The following CPEB3 variants were observed in gnomAD, a reference collection of about 807,000 sequenced individuals.
The protein encoded by CPEB3 is cytoplasmic polyadenylation element-binding protein 3.
In CPEB3, 20 loss-of-function variants were observed where a neutral mutation model predicts 67.2. That is an observed-to-expected ratio of 0.30 (90% CI 0.21 to 0.43). The LOEUF is 0.43. Among genes scored for constraint, CPEB3 ranks in the 20% least tolerant of loss-of-function variants. The pLI is 1.00. For missense variants in CPEB3, 746 were observed against 968.6 expected, an observed-to-expected ratio of 0.77 and a Z score of 3.05; for synonymous variants, 376 against 393.1, an observed-to-expected ratio of 0.96 and a Z score of 0.51.
intron 7 of CPEB3, among the ~76,000 whole-genome samples, chr10:92,107,690 C>G (rs1420154993): frequency 6.6e-6 from 1 of 151,518 alleles, no homozygotes; most frequent in South Asian, 2.1e-4. Context: ...GATACCTGAG[C>G]TATGAAACTC....
At chr10:92,118,618 G>C in intron 6 of CPEB3, 1 of 488,988 alleles carries the variant, frequency 2.0e-6, no homozygotes, top group South Asian at 2.1e-5. Flanking sequence ...AATTAAAGGA[G>C]ATTAAAGAGA....
intron 4 of CPEB3, among the ~76,000 whole-genome samples, chr10:92,174,961 G>A (rs1012444926): frequency 4.6e-5 from 7 of 151,788 alleles, no homozygotes; most frequent in Admixed American, 2.0e-4. Flanking sequence ...CTATTTGTAC[G>A]TGTGCCTTAC....
At position 92,048,541 on chromosome 10, in the gene CPEB3, T is replaced by C. The variant is rs893109082; in HGVS notation, c.*3671A>G. The C allele has an allele frequency of 2.0e-5, 3 of 152,566 alleles. No individual in the cohort carries two copies. Among genetic ancestry groups the C allele is most frequent in the Non-Finnish European group, 2.9e-5 (2 of 68,054 alleles). 9.5% of individuals were successfully genotyped at this position (152,566 alleles called of 1,614,324 possible). The stretch of plus-strand genomic sequence containing the variant: ...AGGTTTGGCTGCACCTGGTGTTGTA[T>C]AAATCCACCGTGACATCCCTAGAGA... On this transcript the variant is annotated 3_prime_UTR_variant, in exon 10 of 10. Transcript: ENST00000265997. This position sits in a 1 kb window ranked among gnomAD's most constrained non-coding sequence, Gnocchi z 4.1.
At chr10:92,241,360 GAC>G (rs1006050935) in intron 1 of CPEB3, among the ~76,000 whole-genome samples, 3 of 152,268 alleles carry the variant, frequency 2.0e-5, no homozygotes, top group East Asian at 1.9e-4. Flanking sequence ...GATTTAAGTA[GAC>G]AGTCAAGATA....
intron 2 of CPEB3, among the ~76,000 whole-genome samples, chr10:92,221,687 A>G (rs1341595230): frequency 5.3e-5 from 8 of 152,166 alleles, no homozygotes; most frequent in Non-Finnish European, 1.0e-4. Context: ...CTCTGCCCTC[A>G]TTAATGGGGT....
chr10:92,064,536 T>C (rs1842476397), intron 9 of CPEB3, among the ~76,000 whole-genome samples: 1 of 152,160 alleles, frequency 6.6e-6, no homozygotes, highest in African/African-American at 2.4e-5. Context: ...GGCCATTGCA[T>C]TGTCAGGCTT....
At chr10:92,242,278 A>G (rs1009968701) in intron 1 of CPEB3, among the ~76,000 whole-genome samples, 7 of 152,122 alleles carry the variant, frequency 4.6e-5, no homozygotes, top group African/African-American at 1.7e-4. Context: ...ACCCAACTCA[A>G]TATAATATAC....
At chr10:92,266,987 T>C (rs1447375735) in intron 1 of CPEB3, among the ~76,000 whole-genome samples, 2 of 151,912 alleles carry the variant, frequency 1.3e-5, no homozygotes, top group Non-Finnish European at 2.9e-5. Context: ...TGAGCCAAGA[T>C]TGCGCCATCA....
intron 6 of CPEB3, among the ~76,000 whole-genome samples, chr10:92,122,505 A>C (rs1208395760): frequency 1.3e-5 from 2 of 151,896 alleles, no homozygotes; most frequent in African/African-American, 4.8e-5. Flanking sequence ...CCTGATCTCC[A>C]AGATTTACTC....
At chr10:92,098,373 A>G (rs1335149693) in intron 7 of CPEB3, among the ~76,000 whole-genome samples, 2 of 151,386 alleles carry the variant, frequency 1.3e-5, no homozygotes, top group African/African-American at 4.9e-5. Context: ...CAAAGGCACG[A>G]TCTTGGCTCA....
At chr10:92,169,731 C>T (rs957068640) in intron 4 of CPEB3, among the ~76,000 whole-genome samples, 1 of 152,246 alleles carries the variant, frequency 6.6e-6, no homozygotes, top group Non-Finnish European at 1.5e-5. Flanking sequence ...TACCCACAGA[C>T]CCCAGCCTAA....
Position 92,120,129 on chromosome 10 carries a change from C to T in CPEB3, c.1454-8935G>A, listed in dbSNP as rs1048585843. ...AAAAAAAAAAAAAACCAAATTGCTA[C>T]GCCGGGTGCGGTGGCTCACACCTGT... On this transcript the variant is annotated intron_variant, in intron 6 of 9. Transcript: ENST00000265997. Among the ~76,000 whole-genome samples the T allele has an allele frequency of 1.3e-4, 13 of 102,424 alleles. No homozygotes were observed. In the South Asian group the frequency reaches 1.7e-3, roughly 14 times the overall value. 67.2% of individuals were successfully genotyped at this position (102,424 alleles called of 152,430 possible).
chr10:92,273,702 T>C (rs1853398504), intron 1 of CPEB3, among the ~76,000 whole-genome samples: 1 of 152,180 alleles, frequency 6.6e-6, no homozygotes, highest in South Asian at 2.1e-4. Context: ...CAAAAATTAA[T>C]ACCTATTAAT....
chr10:92,137,048 G>T (rs781447579), intron 6 of CPEB3: 12 of 248,376 alleles, frequency 4.8e-5, no homozygotes, highest in Admixed American at 3.7e-4. Flanking sequence ...CATTCTTCTT[G>T]TATCAAGGAT....
intron 1 of CPEB3, among the ~76,000 whole-genome samples, chr10:92,266,282 A>C (rs1257382755): frequency 6.6e-6 from 1 of 152,166 alleles, no homozygotes; most frequent in African/African-American, 2.4e-5. Context: ...CACTCTAAAC[A>C]ACCCCAGCCT....
At chr10:92,264,552 A>T (rs1051024464) in intron 1 of CPEB3, among the ~76,000 whole-genome samples, 7 of 151,896 alleles carry the variant, frequency 4.6e-5, no homozygotes, top group Admixed American at 2.0e-4. Flanking sequence ...GTTTTTTCTC[A>T]ATCAAAAGTC....
chr10:92,227,100 T>C (rs760508931), intron 2 of CPEB3, among the ~76,000 whole-genome samples: 21 of 152,188 alleles, frequency 1.4e-4, no homozygotes, highest in Non-Finnish European at 3.1e-4. Flanking sequence ...GCCCCTCCTC[T>C]AGAGTGCTGT....
chr10:92,125,670 T>C (rs1255010619), intron 6 of CPEB3, among the ~76,000 whole-genome samples: 1 of 152,010 alleles, frequency 6.6e-6, no homozygotes, highest in African/African-American at 2.4e-5. Flanking sequence ...GCTTGTCATG[T>C]CCATCTTATC....
intron 9 of CPEB3, among the ~76,000 whole-genome samples, chr10:92,066,353 G>A (rs1842547369): frequency 6.6e-6 from 1 of 151,644 alleles, no homozygotes; most frequent in South Asian, 2.1e-4. Context: ...TTGAGCCCAG[G>A]AGTTCAAGTC....
Sources: allele counts gnomAD v4.1 joint callset (sites outside exome capture counted in the v4.1 genomes callset), GRCh38; gene constraint gnomAD v4.1.1; non-coding constraint Gnocchi (gnomAD v3.1); transcripts MANE v1.5; gene names NCBI Gene and HGNC (gene_info 2026-07-23, HGNC 2026-07-21).